SLC14A2: variants seen among roughly 807,000 people sequenced by gnomAD.
SLC14A2 encodes the protein urea transporter 2.
A neutral mutation model predicts 104.6 loss-of-function variants in SLC14A2; 91 were observed. The observed-to-expected ratio is 0.87, with a 90% CI of 0.73 to 1.04. The LOEUF is 1.04. SLC14A2 is among the 50% of genes least tolerant of loss of function. The pLI is 0.00. For synonymous variants in SLC14A2, 476 were observed against 466.4 expected, an observed-to-expected ratio of 1.02 and a Z score of -0.27; for missense variants, 1,189 against 1,156.0, an observed-to-expected ratio of 1.03 and a Z score of -0.41.
chr18:45,198,786 C>T, the SLC14A2 span, among the ~76,000 whole-genome samples: 32 of 152,140 alleles, frequency 2.1e-4, no homozygotes, highest in African/African-American at 5.8e-4. Context: ...CCTCATATCC[C>T]TTAGATCTCC....
intron 1 of SLC14A2, among the ~76,000 whole-genome samples, chr18:45,403,495 C>G (rs1309731620): frequency 6.6e-6 from 1 of 152,166 alleles, no homozygotes; most frequent in Non-Finnish European, 1.5e-5. Context: ...ACAGTGGTGC[C>G]TCTCAGACTT....
At chr18:45,463,027 G>A (rs1298707216) in intron 1 of SLC14A2, among the ~76,000 whole-genome samples, 1 of 152,098 alleles carries the variant, frequency 6.6e-6, no homozygotes, top group Non-Finnish European at 1.5e-5. Context: ...CTTATAATGT[G>A]CTCTGATACA....
intron 2 of SLC14A2, among the ~76,000 whole-genome samples, chr18:45,496,436 T>C (rs539249973): frequency 3.3e-5 from 5 of 152,200 alleles, no homozygotes; most frequent in African/African-American, 4.8e-5. Flanking sequence ...CACCATCCAA[T>C]TGGCTGCCAG....
At chr18:45,384,732 T>A (rs972097842) in intron 1 of SLC14A2, among the ~76,000 whole-genome samples, 1 of 152,024 alleles carries the variant, frequency 6.6e-6, no homozygotes, top group African/African-American at 2.4e-5. Flanking sequence ...TTGCATCTCA[T>A]GTTGCAAGTG....
intron 2 of SLC14A2, among the ~76,000 whole-genome samples, chr18:45,540,588 C>T (rs2043870577): frequency 6.6e-6 from 1 of 151,874 alleles, no homozygotes; most frequent in Non-Finnish European, 1.5e-5. Flanking sequence ...ACTAAAAATA[C>T]AAAAAAATTA....
chr18:45,454,475 G>A (rs1294722672), intron 1 of SLC14A2, among the ~76,000 whole-genome samples: 2 of 152,132 alleles, frequency 1.3e-5, no homozygotes, highest in Non-Finnish European at 2.9e-5. Context: ...TCTGCTGATA[G>A]TTTCTTTTGC....
chr18:45,257,262 G>T (rs531684241), intron 1 of SLC14A2, among the ~76,000 whole-genome samples: 29 of 152,324 alleles, frequency 1.9e-4, no homozygotes, highest in African/African-American at 6.3e-4. Context: ...TTTGACTTTG[G>T]AAATTAGTTG....
intron 10 of SLC14A2, among the ~76,000 whole-genome samples, chr18:45,650,102 A>G (rs115616794): frequency 6.6e-6 from 1 of 152,066 alleles, no homozygotes; most frequent in Non-Finnish European, 1.5e-5. Context: ...CGAGTTGCTT[A>G]TGTTATTCTT....
At chr18:45,441,478 G>C (rs1598819996) in intron 1 of SLC14A2, among the ~76,000 whole-genome samples, 1 of 152,336 alleles carries the variant, frequency 6.6e-6, no homozygotes, top group East Asian at 1.9e-4. Context: ...CAGGGTGAGA[G>C]AACACTCCTA....
chr18:45,635,870 C>G (rs1599095535), intron 5 of SLC14A2, among the ~76,000 whole-genome samples: 1 of 152,152 alleles, frequency 6.6e-6, no homozygotes, highest in Non-Finnish European at 1.5e-5. Context: ...ATCCAAAGAA[C>G]AGGGAAAAGA....
chr18:45,191,225 T>G, the SLC14A2 span, among the ~76,000 whole-genome samples: 1 of 152,188 alleles, frequency 6.6e-6, no homozygotes, highest in Non-Finnish European at 1.5e-5. Context: ...GAGGTCATGT[T>G]CATCCCAATT....
intron 1 of SLC14A2, among the ~76,000 whole-genome samples, chr18:45,368,909 CCGT>C (rs2085693842): frequency 6.6e-6 from 1 of 152,118 alleles, no homozygotes; most frequent in South Asian, 2.1e-4. Context: ...AGCCATTCAG[CCGT>C]AGAAGCACAG....
At chr18:45,585,923 T>G (rs535896905) in intron 2 of SLC14A2, among the ~76,000 whole-genome samples, 5 of 152,198 alleles carry the variant, frequency 3.3e-5, no homozygotes, top group Non-Finnish European at 5.9e-5. Context: ...GTTCCTGTGA[T>G]GCCACCTCGC....
At chr18:45,650,803 G>A (rs1469459328) in intron 10 of SLC14A2, among the ~76,000 whole-genome samples, 1 of 152,018 alleles carries the variant, frequency 6.6e-6, no homozygotes, top group African/African-American at 2.4e-5. Flanking sequence ...GCAATGGCAC[G>A]ATCTCGGCTC....
chr18:45,631,839 G>A (rs2045350359), intron 4 of SLC14A2, among the ~76,000 whole-genome samples: 2 of 152,116 alleles, frequency 1.3e-5, no homozygotes, highest in South Asian at 2.1e-4. Flanking sequence ...CAGGCTGGTT[G>A]AACTCCTGGG....
In SLC14A2 at chr18:45,498,152, AT is replaced by A. The variant is rs1260519313; in HGVS notation, c.-35+14833del. Among the ~76,000 whole-genome samples the A allele has an allele frequency of 1.3e-4, 20 of 152,366 alleles. No individual in the cohort carries two copies. In the South Asian group the frequency reaches 1.5e-3, roughly 11 times the overall value. On this transcript the variant is annotated intron_variant, in intron 2 of 20. Coordinates refer to the SLC14A2 transcript ENST00000586448. ...AAATAGAAAGTGACAAATATAATCT[AT>A]TTCATAACTATAATGCAATATATCT...
intron 1 of SLC14A2, among the ~76,000 whole-genome samples, chr18:45,248,104 T>C (rs1265493462): frequency 6.6e-6 from 1 of 152,136 alleles, no homozygotes; most frequent in Non-Finnish European, 1.5e-5. Flanking sequence ...GGTAGCAGGA[T>C]AATTTAGATT....
At chr18:45,405,159 A>G (rs959800171) in intron 1 of SLC14A2, among the ~76,000 whole-genome samples, 1 of 152,040 alleles carries the variant, frequency 6.6e-6, no homozygotes, top group Non-Finnish European at 1.5e-5. Context: ...GTTGCAGAAC[A>G]CTCCCCAGGG....
chr18:45,518,642 CTGGTGTCTGGACT>C (rs1335202240), intron 2 of SLC14A2, among the ~76,000 whole-genome samples: 1 of 139,372 alleles, frequency 7.2e-6, no homozygotes, highest in African/African-American at 2.6e-5. Flanking sequence ...GCTCAAACTG[CTGGTGTCTGGACT>C]TGGCCACTGA....
Sources: gnomAD v4.1 joint callset for allele counts (sites outside exome capture counted in the v4.1 genomes callset) on GRCh38, gnomAD v4.1.1 for gene constraint, MANE v1.5 for transcripts, NCBI Gene and HGNC (gene_info 2026-07-23, HGNC 2026-07-21) for gene names.